CAB39: variants seen among roughly 807,000 people sequenced by gnomAD.
CAB39 encodes calcium binding protein 39.
A neutral mutation model predicts 40.0 loss-of-function variants in CAB39; 8 were observed. The ratio of observed to expected loss-of-function variants is 0.20; its 90% CI spans 0.12 to 0.36. The LOEUF (loss-of-function observed/expected upper bound fraction) is 0.36, where lower values mean the gene tolerates loss of function less well. CAB39 is among the 10% of genes least tolerant of loss of function. The pLI, the probability that CAB39 is intolerant of heterozygous loss-of-function variation, is 1.00. For missense variants in CAB39, 270 were observed against 401.1 expected (o/e 0.67, Z 2.79); for synonymous variants, 156 against 141.6 (o/e 1.10, Z -0.72).
At position 230,819,612 on chromosome 2, in the gene CAB39, A is replaced by G. The variant is rs1696470948; in HGVS notation, c.*908A>G. 1 of 152,656 alleles carries G rather than the reference A, an allele frequency of 6.6e-6. No individual in the cohort carries two copies. The highest frequency in any genetic ancestry group is 2.4e-5 in the African/African-American group (1 of 41,460). 9.5% of individuals were successfully genotyped at this position (152,656 alleles called of 1,614,324 possible). On this transcript the variant is annotated 3_prime_UTR_variant, in exon 9 of 9. Transcript: ENST00000258418. ...ATGAATGCTCATATGTAATTGAAAT[A>G]CTTCAGATCACATGAAAATGCTGAT...
chr2:230,816,406 TC>T (rs1696401487), intron 7 of CAB39, among the ~76,000 whole-genome samples: 2 of 152,234 alleles, frequency 1.3e-5, no homozygotes, highest in South Asian at 4.1e-4. Context: ...ACTGGTTGCT[TC>T]TCACCGTAAG....
intron 4 of CAB39, among the ~76,000 whole-genome samples, chr2:230,797,593 T>A (rs1221170539): frequency 6.6e-6 from 1 of 152,026 alleles, no homozygotes; most frequent in African/African-American, 2.4e-5. Flanking sequence ...TGGTAGCCCT[T>A]TAACGGAAGT....
In CAB39 at chr2:230,753,968, C is replaced by T. The variant is rs796430995; in HGVS notation, c.-43-5991C>T. Among the ~76,000 whole-genome samples, 11 of 152,156 alleles carry T rather than the reference C, an allele frequency of 7.2e-5. No homozygotes were observed. In the East Asian group the frequency reaches 1.5e-3, roughly 21 times the overall value. On this transcript the variant is annotated intron_variant, in intron 1 of 8. Coordinates refer to ENST00000258418, the MANE Select transcript of CAB39 (RefSeq NM_016289.4). ...AGTGAAAACCCACACACCCACCAAC[C>T]ATCTAAATTTTAAAATTACAATTTT...
At chr2:230,728,776 T>C (rs1451488674) in intron 1 of CAB39, among the ~76,000 whole-genome samples, 2 of 152,076 alleles carry the variant, frequency 1.3e-5, no homozygotes, top group Admixed American at 6.5e-5. Context: ...CACCCAGCTA[T>C]AATTTTTTAA....
chr2:230,777,353 GT>G (rs577448765), intron 2 of CAB39, among the ~76,000 whole-genome samples: 1 of 127,294 alleles, frequency 7.9e-6, no homozygotes, highest in South Asian at 2.4e-4. Flanking sequence ...ACCTGTTGGT[GT>G]TTTTTTTGTT....
chr2:230,750,200 G>C (rs1321685811), intron 1 of CAB39, among the ~76,000 whole-genome samples: 2 of 152,208 alleles, frequency 1.3e-5, no homozygotes, highest in African/African-American at 4.8e-5. Flanking sequence ...GGCCCCTAAT[G>C]TGGCAGTGTT....
chr2:230,769,786 C>T (rs551868055), intron 2 of CAB39, among the ~76,000 whole-genome samples: 1 of 150,962 alleles, frequency 6.6e-6, no homozygotes, highest in South Asian at 2.1e-4. Flanking sequence ...GGAGACCAGC[C>T]TGGCCAATGT....
At chr2:230,714,890 T>C (rs62193601) in intron 1 of CAB39, among the ~76,000 whole-genome samples, 2,777 of 152,342 alleles carry the variant, frequency 0.018, 43 homozygotes, top group Non-Finnish European at 0.027. Context: ...CTTGCACTTG[T>C]TTGCGTGTAT....
intron 2 of CAB39, among the ~76,000 whole-genome samples, chr2:230,771,868 T>C (rs1695488231): frequency 2.0e-5 from 3 of 152,194 alleles, no homozygotes; most frequent in Non-Finnish European, 4.4e-5. Flanking sequence ...TTTCAACAAT[T>C]GGTGCTGAAA....
At chr2:230,769,824 CAA>C (rs76656397) in intron 2 of CAB39, among the ~76,000 whole-genome samples, 17 of 92,808 alleles carry the variant, frequency 1.8e-4, no homozygotes, top group Non-Finnish European at 2.5e-4. Flanking sequence ...ACTAAAAATA[CAA>C]AAAAAAAAAA....
At chr2:230,807,792 TC>T (rs1696226716) in intron 5 of CAB39, among the ~76,000 whole-genome samples, 1 of 152,230 alleles carries the variant, frequency 6.6e-6, no homozygotes, top group Non-Finnish European at 1.5e-5. Flanking sequence ...TCCTGCCTGT[TC>T]CTAAGAATCC....
In CAB39 at chr2:230,820,254, T is replaced by G. The variant is rs1338061235; in HGVS notation, c.*1550T>G. Reference sequence around the variant, plus strand: ...TTAAGAAATTGATATGATTATTCTTTGCTAGCCTCTCTTACTAATGGAATT... The same window carrying G: ...TTAAGAAATTGATATGATTATTCTTGGCTAGCCTCTCTTACTAATGGAATT... On this transcript the variant is annotated 3_prime_UTR_variant, in exon 9 of 9. Transcript: ENST00000258418. 6.6e-6 allele frequency: 1 copy of G among 152,300 alleles called. No homozygotes were observed. The highest frequency in any genetic ancestry group is 1.5e-5 in the Non-Finnish European group (1 of 68,042). 9.4% of individuals were successfully genotyped at this position (152,300 alleles called of 1,614,324 possible).
intron 1 of CAB39, among the ~76,000 whole-genome samples, chr2:230,754,975 A>G (rs917728372): frequency 3.3e-5 from 5 of 152,228 alleles, no homozygotes; most frequent in African/African-American, 1.2e-4. Context: ...CACTTAGAAT[A>G]ATAGTCTCCA....
chr2:230,763,026 T>C (rs1198078819), intron 2 of CAB39, among the ~76,000 whole-genome samples: 1 of 152,210 alleles, frequency 6.6e-6, no homozygotes, highest in African/African-American at 2.4e-5. Context: ...GTGTGTTATC[T>C]ATTGATGCTA....
At chr2:230,779,459 G>A (rs953161480) in intron 2 of CAB39, 2 of 152,338 alleles carry the variant, frequency 1.3e-5, no homozygotes, top group Non-Finnish European at 2.9e-5. Context: ...AGGCAAGTGA[G>A]TGGGCTTGTT....
intron 5 of CAB39, among the ~76,000 whole-genome samples, chr2:230,799,498 T>G (rs1380492176): frequency 6.6e-6 from 1 of 152,218 alleles, no homozygotes; most frequent in East Asian, 1.9e-4. Context: ...TTGGTGTATA[T>G]TTGTATAAAT....
At chr2:230,783,092 G>A (rs900402935) in intron 2 of CAB39, among the ~76,000 whole-genome samples, 1 of 152,158 alleles carries the variant, frequency 6.6e-6, no homozygotes, top group African/African-American at 2.4e-5. Flanking sequence ...CCTCCAAGGT[G>A]TTGGGATTAC....
chr2:230,719,460 A>G (rs894685470), intron 1 of CAB39, among the ~76,000 whole-genome samples: 5 of 152,242 alleles, frequency 3.3e-5, no homozygotes, highest in African/African-American at 1.2e-4. Context: ...TTGGATTTTA[A>G]TAGGTTTCCA....
At chr2:230,814,593 A>C (rs1696366811) in intron 7 of CAB39, among the ~76,000 whole-genome samples, 1 of 152,236 alleles carries the variant, frequency 6.6e-6, no homozygotes, top group African/African-American at 2.4e-5. Context: ...CTGTAGAACA[A>C]GGGTTGGCAA....
Sources: gnomAD v4.1 joint callset for allele counts (sites outside exome capture counted in the v4.1 genomes callset) on GRCh38, gnomAD v4.1.1 for gene constraint, MANE v1.5 for transcripts, NCBI Gene and HGNC (gene_info 2026-07-23, HGNC 2026-07-21) for gene names.